Variants in PTPRC observed in about 807,000 individuals in gnomAD.
PTPRC encodes protein tyrosine phosphatase receptor type C, also known as receptor-type tyrosine-protein phosphatase C.
Under a neutral mutation model 155.9 loss-of-function variants are expected in PTPRC, and 44 were observed. That is an observed-to-expected ratio of 0.28 (90% CI 0.22 to 0.36). The LOEUF (loss-of-function observed/expected upper bound fraction) is 0.36. PTPRC is among the 10% of genes least tolerant of loss of function. The pLI, the probability that PTPRC is intolerant of heterozygous loss-of-function variation, is 1.00. For synonymous variants in PTPRC, 525 were observed against 533.1 expected, an observed-to-expected ratio of 0.98 and a Z score of 0.21; for missense variants, 1,401 against 1,564.6, an observed-to-expected ratio of 0.90 and a Z score of 1.76.
intron 2 of PTPRC, among the ~76,000 whole-genome samples, chr1:198,640,331 G>T (rs149014641): frequency 6.6e-6 from 1 of 151,986 alleles, no homozygotes; most frequent in East Asian, 1.9e-4. Flanking sequence ...AAAACAACTT[G>T]CTTATTACAA....
intron 23 of PTPRC, among the ~76,000 whole-genome samples, chr1:198,736,151 C>G (rs1358552772): frequency 6.6e-6 from 1 of 151,418 alleles, no homozygotes; most frequent in African/African-American, 2.4e-5. Context: ...AATGGGGCAT[C>G]CATCATCCCA....
At chr1:198,692,824 C>T (rs185905378) in intron 3 of PTPRC, 109 of 902,900 alleles carry the variant, frequency 1.2e-4, no homozygotes, top group Non-Finnish European at 1.1e-4. Context: ...TATGCAAAAC[C>T]TTTGAGACTA....
chr1:198,702,065 A>G (rs1666485771), intron 5 of PTPRC, among the ~76,000 whole-genome samples: 1 of 152,158 alleles, frequency 6.6e-6, no homozygotes, highest in Non-Finnish European at 1.5e-5. Flanking sequence ...TACTGCTTTG[A>G]TGCATTTTTT....
intron 29 of PTPRC, among the ~76,000 whole-genome samples, chr1:198,751,242 A>C (rs1336294948): frequency 6.6e-6 from 1 of 152,028 alleles, no homozygotes. Flanking sequence ...AAAAGTCTAT[A>C]GTTGAAGGTG....
intron 2 of PTPRC, among the ~76,000 whole-genome samples, chr1:198,654,679 G>A (rs558028315): frequency 6.6e-6 from 1 of 151,568 alleles, no homozygotes; most frequent in East Asian, 1.9e-4. Context: ...TCCTTTATAA[G>A]AGAATAATAT....
chr1:198,700,660 G>T (rs988147643), intron 5 of PTPRC, among the ~76,000 whole-genome samples: 1 of 152,196 alleles, frequency 6.6e-6, no homozygotes, highest in African/African-American at 2.4e-5. Flanking sequence ...GGCAGAAACT[G>T]TAAAACAACA....
At chr1:198,685,027 A>T (rs755670520) in intron 2 of PTPRC, among the ~76,000 whole-genome samples, 5 of 152,058 alleles carry the variant, frequency 3.3e-5, no homozygotes, top group African/African-American at 4.8e-5. Flanking sequence ...TCAGAAAGGC[A>T]CTACACTCAC....
At chr1:198,713,184 AG>A (rs1370577857) in intron 12 of PTPRC, 112 bp downstream of exon 12, 2 of 1,461,774 alleles carry the variant, frequency 1.4e-6, no homozygotes, top group Admixed American at 3.5e-5. Context: ...GAGACTGCAT[AG>A]GCATAGTATA....
intron 12 of PTPRC, 100 bp downstream of exon 12, chr1:198,713,172 T>C: frequency 6.5e-7 from 1 of 1,535,356 alleles, no homozygotes; most frequent in Non-Finnish European, 9.0e-7. Flanking sequence ...GCTCTCTGCT[T>C]AGAGACTGCA....
chr1:198,690,171 A>C (rs1352979817), intron 2 of PTPRC, among the ~76,000 whole-genome samples: 1 of 152,174 alleles, frequency 6.6e-6, no homozygotes, highest in Non-Finnish European at 1.5e-5. Context: ...AACAATTTGA[A>C]TATTTTAAAT....
intron 23 of PTPRC, among the ~76,000 whole-genome samples, chr1:198,737,747 G>A (rs1323597672): frequency 7.9e-5 from 12 of 151,638 alleles, no homozygotes; most frequent in Non-Finnish European, 1.5e-4. Flanking sequence ...AGATAGTTTT[G>A]AGTAGTATGG....
intron 2 of PTPRC, among the ~76,000 whole-genome samples, chr1:198,661,238 AT>A (rs1304120669): frequency 6.6e-6 from 1 of 151,662 alleles, no homozygotes; most frequent in Admixed American, 6.6e-5. Context: ...ATTGTGGAAT[AT>A]AAAGAGGTTT....
At chr1:198,672,507 T>C (rs1571811997) in intron 2 of PTPRC, among the ~76,000 whole-genome samples, 1 of 152,214 alleles carries the variant, frequency 6.6e-6, no homozygotes, top group African/African-American at 2.4e-5. Flanking sequence ...TCTTGCTCTG[T>C]TGCCCAGGCT....
intron 15 of PTPRC, among the ~76,000 whole-genome samples, chr1:198,723,714 C>T (rs1270697015): frequency 6.6e-6 from 1 of 152,210 alleles, no homozygotes; most frequent in Admixed American, 6.5e-5. Flanking sequence ...ACAAAAAGCA[C>T]AGCATGCTAG....
rs1468243929 is a variant in PTPRC, at chr1:198,750,529, G to A, written c.3110G>A (p.Gly1037Glu). ...WKPEVMIAAQ[G>E]PLKETIGDFW... ...CCTGAAGTGATGATTGCTGCTCAGG[G>A]ACCACTGAAGGAGACCATTGGTGAC... Residue 1037 changes from glycine to glutamate, a missense_variant, in exon 29 of 33, where the codon GGA becomes GAA. Physicochemically the swap from Gly to Glu is moderately conservative, Grantham distance 98. Transcript: ENST00000442510. The A allele has an allele frequency of 3.1e-6, 5 of 1,612,336 alleles. No homozygotes were observed. The highest frequency in any genetic ancestry group is 4.2e-6 in the Non-Finnish European group (5 of 1,178,822).
In PTPRC at chr1:198,709,790, T is replaced by G. The variant is rs746656332; in HGVS notation, c.1137T>G (p.Thr379=). The G allele has an allele frequency of 6.2e-7, 1 of 1,612,756 alleles. No homozygotes were observed. The highest frequency in any genetic ancestry group is 8.5e-7 in the Non-Finnish European group (1 of 1,179,302). ...SEILYNNHKF[T]NASKIIKTDF... is the part of the protein sequence containing the mutation. Reference sequence around the variant, plus strand: ...TACTCTATAATAACCACAAGTTTACTAACGCAAGTAAAATTATTAAAACAG... The same window carrying G: ...TACTCTATAATAACCACAAGTTTACGAACGCAAGTAAAATTATTAAAACAG... Residue 379 remains threonine (T), a synonymous_variant, in exon 11 of 33, where the codon ACT becomes ACG. Coordinates refer to ENST00000442510, the MANE Select transcript of PTPRC (RefSeq NM_002838.5).
At chr1:198,692,253 T>C (rs1665968054) in intron 2 of PTPRC, 94 bp from the exon 3 acceptor site, 2 of 917,834 alleles carry the variant, frequency 2.2e-6, no homozygotes, top group African/African-American at 3.5e-5. Context: ...TGTTCTATCA[T>C]AGACTTGAGG....
intron 32 of PTPRC, among the ~76,000 whole-genome samples, chr1:198,755,396 T>C (rs963969139): frequency 5.7e-4 from 87 of 152,230 alleles, no homozygotes; most frequent in African/African-American, 1.9e-3. Flanking sequence ...CTTAAAAATG[T>C]ATCAAATGCT....
intron 17 of PTPRC, among the ~76,000 whole-genome samples, chr1:198,729,674 G>A (rs1654300763): frequency 6.6e-6 from 1 of 152,146 alleles, no homozygotes; most frequent in South Asian, 2.1e-4. Flanking sequence ...ATTGTGCCAG[G>A]TACTGAGAGT....
Sources: gnomAD v4.1 joint callset for allele counts (sites outside exome capture counted in the v4.1 genomes callset) on GRCh38, gnomAD v4.1.1 for gene constraint, MANE v1.5 for transcripts, NCBI Gene and HGNC (gene_info 2026-07-23, HGNC 2026-07-21) for gene names.